Variants in L3MBTL4 observed in about 807,000 individuals in gnomAD.
L3MBTL4 encodes lethal(3)malignant brain tumor-like protein 4.
L3MBTL4 carries 70 observed loss-of-function variants against 84.5 expected under a neutral mutation model. That is an observed-to-expected ratio of 0.83 (90% CI 0.68 to 1.01). The LOEUF is 1.01. Among genes scored for constraint, L3MBTL4 ranks in the 50% least tolerant of loss-of-function variants. L3MBTL4 has a pLI of 0.00. For missense variants in L3MBTL4, 715 were observed against 754.8 expected (o/e 0.95, Z 0.62); for synonymous variants, 274 against 259.8 (o/e 1.05, Z -0.52).
intron 1 of L3MBTL4, among the ~76,000 whole-genome samples, chr18:6,410,111 T>A (rs1010521894): frequency 1.3e-5 from 2 of 152,136 alleles, no homozygotes; most frequent in African/African-American, 2.4e-5. Context: ...CTTAACGAGG[T>A]CTTCCAGAGG....
At chr18:6,396,922 G>A (rs984148202) in intron 1 of L3MBTL4, 1 of 152,198 alleles carries the variant, frequency 6.6e-6, no homozygotes, top group African/African-American at 2.4e-5. Flanking sequence ...GCTAACCAAT[G>A]AGTTAAAGCC....
intron 16 of L3MBTL4, among the ~76,000 whole-genome samples, chr18:6,015,494 T>C (rs2054925675): frequency 6.6e-6 from 1 of 152,110 alleles, no homozygotes; most frequent in South Asian, 2.1e-4. Flanking sequence ...CTTTGGGGGA[T>C]CTAGAACAAC....
intron 16 of L3MBTL4, among the ~76,000 whole-genome samples, chr18:6,044,464 C>T (rs759972622): frequency 6.6e-6 from 1 of 152,220 alleles, no homozygotes; most frequent in Non-Finnish European, 1.5e-5. Context: ...AGTTAACTAA[C>T]GTTGGAGACT....
intron 16 of L3MBTL4, among the ~76,000 whole-genome samples, chr18:6,073,180 A>T (rs1245797634): frequency 6.6e-6 from 1 of 151,318 alleles, no homozygotes; most frequent in Admixed American, 6.6e-5. Context: ...AGAGAGTGAG[A>T]GAGACAGAGG....
At chr18:6,024,963 T>G (rs745548882) in intron 16 of L3MBTL4, 2 of 152,028 alleles carry the variant, frequency 1.3e-5, no homozygotes, top group Non-Finnish European at 2.9e-5. Context: ...ACAGAGGGGG[T>G]TTAAAAATAA....
intron 16 of L3MBTL4, chr18:6,046,650 A>C: frequency 1.4e-6 from 1 of 699,002 alleles, no homozygotes; most frequent in Non-Finnish European, 2.6e-6. Flanking sequence ...CACCTGAATG[A>C]CTTTTAGGTA....
At chr18:6,145,761 T>C (rs2042623730) in intron 13 of L3MBTL4, among the ~76,000 whole-genome samples, 1 of 152,208 alleles carries the variant, frequency 6.6e-6, no homozygotes, top group South Asian at 2.1e-4. Context: ...GGGTTATCCA[T>C]TCAATTAAAG....
At chr18:6,388,978 C>G (rs341204) in intron 1 of L3MBTL4, among the ~76,000 whole-genome samples, 76,938 of 151,954 alleles carry the variant, frequency 0.51, 19,542 homozygotes, top group East Asian at 0.59. Context: ...AATGGGTAAA[C>G]TAGGGACAAG....
intron 10 of L3MBTL4, among the ~76,000 whole-genome samples, chr18:6,228,790 C>A (rs1329810121): frequency 6.6e-6 from 1 of 152,130 alleles, no homozygotes; most frequent in Non-Finnish European, 1.5e-5. Context: ...CCTCCAGGAG[C>A]AGGGCACATG....
intron 1 of L3MBTL4, chr18:6,394,728 T>C (rs1033052211): frequency 1.3e-5 from 2 of 152,072 alleles, no homozygotes; most frequent in African/African-American, 4.8e-5. Flanking sequence ...CCACTATAAA[T>C]AAATTTTATA....
chr18:6,186,025 T>G (rs2044743380), intron 12 of L3MBTL4, among the ~76,000 whole-genome samples: 2 of 151,236 alleles, frequency 1.3e-5, no homozygotes, highest in African/African-American at 4.9e-5. Context: ...TTTTATTTTA[T>G]TTTAGAAATG....
intron 15 of L3MBTL4, among the ~76,000 whole-genome samples, chr18:6,087,146 C>T (rs1367908260): frequency 1.3e-5 from 2 of 152,180 alleles, no homozygotes; most frequent in African/African-American, 4.8e-5. Flanking sequence ...ATTTATTCAA[C>T]AGACAAAGGT....
intron 17 of L3MBTL4, among the ~76,000 whole-genome samples, chr18:5,966,809 ATAT>A (rs2052374364): frequency 6.6e-6 from 1 of 152,148 alleles, no homozygotes; most frequent in Admixed American, 6.5e-5. Context: ...CAGCTCTCAC[ATAT>A]TATTACCCCA....
At chr18:6,245,089 C>T (rs376697260) in intron 5 of L3MBTL4, among the ~76,000 whole-genome samples, 13 of 152,150 alleles carry the variant, frequency 8.5e-5, no homozygotes, top group South Asian at 8.3e-4. Context: ...TTAGTAGAGA[C>T]GGGGTTTCAC....
intron 14 of L3MBTL4, among the ~76,000 whole-genome samples, chr18:6,125,212 A>G (rs974517311): frequency 6.6e-6 from 1 of 152,026 alleles, no homozygotes; most frequent in Non-Finnish European, 1.5e-5. Context: ...AGGGAGGGGA[A>G]AGGAAGGTCC....
intron 14 of L3MBTL4, among the ~76,000 whole-genome samples, chr18:6,095,227 A>G (rs1415048714): frequency 6.6e-6 from 1 of 152,194 alleles, no homozygotes; most frequent in Non-Finnish European, 1.5e-5. Flanking sequence ...TTTTACTGGT[A>G]AGACAACAGG....
intron 16 of L3MBTL4, among the ~76,000 whole-genome samples, chr18:6,044,504 C>A (rs1365799740): frequency 6.6e-6 from 1 of 152,140 alleles, no homozygotes; most frequent in East Asian, 1.9e-4. Context: ...AGGACACTAG[C>A]CAACATGCTG....
chr18:6,100,262 A>T (rs2058776794), intron 14 of L3MBTL4, among the ~76,000 whole-genome samples: 2 of 152,198 alleles, frequency 1.3e-5, no homozygotes, highest in Non-Finnish European at 2.9e-5. Context: ...ATAAGTTTTT[A>T]ATTTTAAAAA....
At chr18:6,189,758 G>T (rs1434225918) in intron 12 of L3MBTL4, among the ~76,000 whole-genome samples, 1 of 152,114 alleles carries the variant, frequency 6.6e-6, no homozygotes, top group East Asian at 1.9e-4. Context: ...CATTAAATGT[G>T]TTTTAGCAGA....
Sources: gnomAD v4.1 joint callset for allele counts (sites outside exome capture counted in the v4.1 genomes callset) on GRCh38, gnomAD v4.1.1 for gene constraint, MANE v1.5 for transcripts, NCBI Gene and HGNC (gene_info 2026-07-23, HGNC 2026-07-21) for gene names.